Variants in LINGO2 observed in about 807,000 individuals in gnomAD.
LINGO2 encodes the protein leucine-rich repeat and immunoglobulin-like domain-containing nogo receptor-interacting protein 2.
Under a neutral mutation model 30.6 loss-of-function variants are expected in LINGO2, and 14 were observed. That is an observed-to-expected ratio of 0.46 (90% CI 0.30 to 0.72). The LOEUF is 0.72. Among genes scored for constraint, LINGO2 ranks in the 30% least tolerant of loss-of-function variants. The pLI is 0.07. For synonymous variants in LINGO2, 317 were observed against 288.5 expected (o/e 1.10, Z -1.00); for missense variants, 729 against 751.7 (o/e 0.97, Z 0.35).
intron 3 of LINGO2, among the ~76,000 whole-genome samples, chr9:28,360,523 A>G (rs1387866917): frequency 6.6e-6 from 1 of 152,114 alleles, no homozygotes; most frequent in East Asian, 1.9e-4. Flanking sequence ...AGCTGCTCTA[A>G]AACTCCTTTC....
chr9:29,103,360 G>A, the LINGO2 span, among the ~76,000 whole-genome samples: 1 of 151,860 alleles, frequency 6.6e-6, no homozygotes, highest in Non-Finnish European at 1.5e-5. Context: ...TTGAAGAAAT[G>A]ATGAAACACT....
At chr9:28,879,364 T>G in the LINGO2 span, among the ~76,000 whole-genome samples, 7 of 152,240 alleles carry the variant, frequency 4.6e-5, no homozygotes, top group East Asian at 1.3e-3. Flanking sequence ...AACTGAAAAT[T>G]TGGTGCTCAG....
At chr9:28,238,783 T>TA (rs1387023095) in intron 4 of LINGO2, among the ~76,000 whole-genome samples, 2 of 149,892 alleles carry the variant, frequency 1.3e-5, no homozygotes, top group East Asian at 3.9e-4. Flanking sequence ...GAAGAAATAC[T>TA]AAAAATAAGA....
chr9:29,072,612 G>GAT, the LINGO2 span, among the ~76,000 whole-genome samples: 983 of 135,550 alleles, frequency 7.3e-3, 11 homozygotes, highest in Middle Eastern at 0.016. Flanking sequence ...GTCTCTCTTT[G>GAT]ATATATATAT....
At chr9:28,338,305 A>ATT (rs1373246574) in intron 3 of LINGO2, among the ~76,000 whole-genome samples, 1 of 152,170 alleles carries the variant, frequency 6.6e-6, no homozygotes, top group African/African-American at 2.4e-5. Flanking sequence ...GAACAGGTGT[A>ATT]TTTACCCAAT....
the LINGO2 span, among the ~76,000 whole-genome samples, chr9:29,211,866 T>C: frequency 1.3e-5 from 2 of 151,814 alleles, no homozygotes; most frequent in Non-Finnish European, 2.9e-5. Context: ...GCAAAAAACT[T>C]CCCTTAAAGC....
At chr9:28,766,649 A>G in the LINGO2 span, among the ~76,000 whole-genome samples, 1 of 152,026 alleles carries the variant, frequency 6.6e-6, no homozygotes, top group Non-Finnish European at 1.5e-5. Flanking sequence ...CATTATTCAC[A>G]ATACCTAAGA....
intron 1 of LINGO2, among the ~76,000 whole-genome samples, chr9:28,555,012 T>G (rs1263126579): frequency 1.5e-5 from 2 of 136,230 alleles, no homozygotes; most frequent in South Asian, 2.4e-4. Context: ...TAGAGGGAAA[T>G]TTATAGCACT....
At chr9:28,349,771 G>C (rs1367154754) in intron 3 of LINGO2, among the ~76,000 whole-genome samples, 3 of 151,232 alleles carry the variant, frequency 2.0e-5, no homozygotes, top group Non-Finnish European at 4.4e-5. Flanking sequence ...TACCCTCAAA[G>C]GGAAGCCCAT....
chr9:28,770,878 T>G, the LINGO2 span, among the ~76,000 whole-genome samples: 1 of 152,178 alleles, frequency 6.6e-6, no homozygotes, highest in Non-Finnish European at 1.5e-5. Context: ...GACAGAATTT[T>G]GTCATTAGCA....
chr9:28,070,465 T>C (rs1825441019), intron 4 of LINGO2, among the ~76,000 whole-genome samples: 1 of 152,190 alleles, frequency 6.6e-6, no homozygotes, highest in African/African-American at 2.4e-5. Context: ...TTCAGTTTAT[T>C]TGATTGTCCT....
chr9:28,055,138 G>C (rs932311595), intron 4 of LINGO2, among the ~76,000 whole-genome samples: 4 of 152,154 alleles, frequency 2.6e-5, no homozygotes, highest in Admixed American at 6.6e-5. Context: ...GCAAAATGCT[G>C]AAGTCTTTTG....
At chr9:29,033,710 A>C in the LINGO2 span, among the ~76,000 whole-genome samples, 1 of 152,098 alleles carries the variant, frequency 6.6e-6, no homozygotes, top group African/African-American at 2.4e-5. Flanking sequence ...CACTAAAAAA[A>C]AAATAAGTGT....
intron 2 of LINGO2, 73 bp downstream of exon 4, chr9:28,475,867 A>G (rs1825709017): frequency 6.6e-6 from 1 of 152,632 alleles, no homozygotes; most frequent in Admixed American, 6.5e-5. Context: ...TTTATTTATA[A>G]ACTATGCAGA....
chr9:28,094,294 G>A (rs1388534697), intron 4 of LINGO2, among the ~76,000 whole-genome samples: 1 of 152,062 alleles, frequency 6.6e-6, no homozygotes, highest in African/African-American at 2.4e-5. Flanking sequence ...CCTTTCTGCT[G>A]TTGCTTGTAT....
At chr9:29,204,548 T>C in the LINGO2 span, among the ~76,000 whole-genome samples, 2 of 152,216 alleles carry the variant, frequency 1.3e-5, no homozygotes, top group Non-Finnish European at 2.9e-5. Flanking sequence ...GTCAATTCAC[T>C]ATAGACTAAG....
the LINGO2 span, among the ~76,000 whole-genome samples, chr9:28,972,586 G>C: frequency 1.3e-5 from 2 of 152,266 alleles, no homozygotes; most frequent in Non-Finnish European, 2.9e-5. Context: ...TAGTGAGCTT[G>C]AAGACAGGCT....
the LINGO2 span, among the ~76,000 whole-genome samples, chr9:29,004,186 A>G: frequency 6.6e-6 from 1 of 152,020 alleles, no homozygotes; most frequent in Non-Finnish European, 1.5e-5. Flanking sequence ...TTTAGCTTAC[A>G]TAAGTATATG....
At chr9:28,246,565 A>T (rs570199408) in intron 4 of LINGO2, among the ~76,000 whole-genome samples, 1 of 152,298 alleles carries the variant, frequency 6.6e-6, no homozygotes, top group Admixed American at 6.5e-5. Flanking sequence ...GAAAATTGAC[A>T]CTGGACCCCT....
Sources: allele counts gnomAD v4.1 joint callset (sites outside exome capture counted in the v4.1 genomes callset), GRCh38; gene constraint gnomAD v4.1.1; transcripts MANE v1.5; gene names NCBI Gene and HGNC (gene_info 2026-07-23, HGNC 2026-07-21).